The following ELAVL2 variants were observed in gnomAD, a reference collection of about 807,000 sequenced individuals.
ELAVL2 encodes ELAV-like protein 2.
Under a neutral mutation model 34.6 loss-of-function variants are expected in ELAVL2, and 4 were observed. That is an observed-to-expected ratio of 0.12 (90% confidence interval 0.06 to 0.26). The LOEUF (loss-of-function observed/expected upper bound fraction) is 0.26. Among genes scored for constraint, ELAVL2 ranks in the 10% least tolerant of loss-of-function variants. ELAVL2 has a pLI of 1.00. For missense variants in ELAVL2, 432 were observed against 442.8 expected, an observed-to-expected ratio of 0.98 and a Z score of 0.22; for synonymous variants, 193 against 154.8, an observed-to-expected ratio of 1.25 and a Z score of -1.83.
In ELAVL2 at chr9:23,701,989, G is replaced by A. The variant is rs533144592; in HGVS notation, c.488-385C>T. 2.6e-5 allele frequency among the ~76,000 whole-genome samples: 4 copies of A among 152,254 alleles called. No individual in the cohort carries two copies. The South Asian group carries it at 8.3e-4, about 32-fold the overall frequency. On this transcript the variant is annotated intron_variant, in intron 4 of 6. Coordinates refer to ENST00000397312, the MANE Select transcript of ELAVL2 (RefSeq NM_004432.5). Reference sequence around the variant, plus strand: ...TTTGTGCTATTGGATAAGCAGCTCAGAAATGAGGGACACAGTAGTTCCTGT... The same window carrying A: ...TTTGTGCTATTGGATAAGCAGCTCAAAAATGAGGGACACAGTAGTTCCTGT...
At chr9:23,715,309 C>A (rs550284647) in intron 3 of ELAVL2, among the ~76,000 whole-genome samples, 3 of 152,230 alleles carry the variant, frequency 2.0e-5, no homozygotes, top group South Asian at 4.2e-4. Context: ...CCACCACGCC[C>A]GGCTAATTTT....
the ELAVL2 span, among the ~76,000 whole-genome samples, chr9:23,836,711 G>T: frequency 3.3e-5 from 5 of 151,986 alleles, no homozygotes; most frequent in Non-Finnish European, 7.4e-5. Context: ...ATAAAAGGAG[G>T]TTGAGAGGTG....
chr9:23,722,421 C>G (rs1242782587), intron 3 of ELAVL2, among the ~76,000 whole-genome samples: 2 of 152,192 alleles, frequency 1.3e-5, no homozygotes, highest in Non-Finnish European at 2.9e-5. Context: ...CCTCCAGATC[C>G]AGTTTTCTTC....
intron 6 of ELAVL2, 26 bp downstream of exon 6, chr9:23,693,422 T>A (rs888081868): frequency 2.5e-6 from 4 of 1,613,772 alleles, no homozygotes; most frequent in Non-Finnish European, 3.4e-6. Flanking sequence ...AAAGGGATTA[T>A]GAGTATCATG....
chr9:23,698,198 A>C (rs1271257736), intron 5 of ELAVL2, among the ~76,000 whole-genome samples: 1 of 152,230 alleles, frequency 6.6e-6, no homozygotes, highest in East Asian at 1.9e-4. Context: ...AGAACATGAA[A>C]AAATTTGGCT....
intron 1 of ELAVL2, among the ~76,000 whole-genome samples, chr9:23,782,307 G>A (rs112960490): frequency 2.6e-5 from 4 of 152,134 alleles, no homozygotes; most frequent in African/African-American, 9.6e-5. Flanking sequence ...GCTTAACGCA[G>A]AGTCTTAGCA....
intron 5 of ELAVL2, among the ~76,000 whole-genome samples, chr9:23,700,598 C>G (rs2036846487): frequency 6.6e-6 from 1 of 152,086 alleles, no homozygotes; most frequent in Non-Finnish European, 1.5e-5. Context: ...GGGCTATAAG[C>G]TAAGAATGGC....
intron 1 of ELAVL2, among the ~76,000 whole-genome samples, chr9:23,813,735 G>A (rs2063335879): frequency 6.6e-6 from 1 of 152,190 alleles, no homozygotes; most frequent in Admixed American, 6.5e-5. Context: ...TAAGGAAGGA[G>A]AGACCCAAGA....
At chr9:23,715,975 G>A (rs1305594260) in intron 3 of ELAVL2, among the ~76,000 whole-genome samples, 1 of 152,150 alleles carries the variant, frequency 6.6e-6, no homozygotes, top group East Asian at 1.9e-4. Context: ...CTGACAGAGA[G>A]AAGTACATGA....
intron 3 of ELAVL2, among the ~76,000 whole-genome samples, chr9:23,707,646 T>C (rs2039758769): frequency 6.6e-6 from 1 of 152,218 alleles, no homozygotes; most frequent in Admixed American, 6.5e-5. Flanking sequence ...GGCTCAAAAC[T>C]AGGTTTAATT....
chr9:23,822,516 T>C (rs2064951903), intron 1 of ELAVL2, among the ~76,000 whole-genome samples: 1 of 152,144 alleles, frequency 6.6e-6, no homozygotes, highest in Non-Finnish European at 1.5e-5. Flanking sequence ...CATCGCTGCC[T>C]TGCCTTGGCC....
chr9:23,694,804 G>C (rs1236654458), intron 5 of ELAVL2, among the ~76,000 whole-genome samples: 1 of 152,178 alleles, frequency 6.6e-6, no homozygotes, highest in Non-Finnish European at 1.5e-5. Context: ...TATGCAAAGT[G>C]TAAGGAAACA....
At chr9:23,716,994 C>A (rs1348278427) in intron 3 of ELAVL2, among the ~76,000 whole-genome samples, 1 of 152,172 alleles carries the variant, frequency 6.6e-6, no homozygotes, top group Non-Finnish European at 1.5e-5. Flanking sequence ...TAAGTATTAT[C>A]AGACAGAAAT....
intron 3 of ELAVL2, among the ~76,000 whole-genome samples, chr9:23,710,218 T>C (rs2040554891): frequency 6.6e-6 from 1 of 152,226 alleles, no homozygotes; most frequent in Non-Finnish European, 1.5e-5. Context: ...CTAAAACTAA[T>C]GATACATTAA....
In ELAVL2 at chr9:23,766,557, T is replaced by C. The variant is rs544225162; in HGVS notation, c.-15-4308A>G. On this transcript the variant is annotated intron_variant, in intron 1 of 6. Transcript: ENST00000397312. ...AGGTGGACACTAATGAGCTAATCTATTGACACCCCTCTTTCTGAAAGCCCC... is the reference window on the plus strand; with the variant it reads ...AGGTGGACACTAATGAGCTAATCTACTGACACCCCTCTTTCTGAAAGCCCC... Among the ~76,000 whole-genome samples, 18 of 129,208 alleles carry C rather than the reference T, an allele frequency of 1.4e-4. No individual in the cohort carries two copies. In the South Asian group the frequency reaches 2.1e-3, roughly 15 times the overall value. 84.8% of individuals were successfully genotyped at this position (129,208 alleles called of 152,430 possible). A position where few individuals can be genotyped will look rare whatever the true frequency, so the allele number is the denominator to read the frequency against.
At chr9:23,821,977 A>G (rs2064857605) in intron 1 of ELAVL2, 1 of 151,234 alleles carries the variant, frequency 6.6e-6, no homozygotes, top group Non-Finnish European at 1.5e-5. Context: ...GCCGGCAGGG[A>G]GATGCCGGGC....
intron 1 of ELAVL2, among the ~76,000 whole-genome samples, chr9:23,778,591 G>A (rs1016334725): frequency 2.0e-5 from 3 of 152,120 alleles, no homozygotes; most frequent in African/African-American, 7.2e-5. Flanking sequence ...GCAAGGGCTG[G>A]ATTTTAAGTA....
the ELAVL2 span, among the ~76,000 whole-genome samples, chr9:23,836,082 T>C: frequency 6.6e-6 from 1 of 152,170 alleles, no homozygotes; most frequent in Non-Finnish European, 1.5e-5. Context: ...TAACTCTTCA[T>C]GTTGATGTGA....
rs537182055 is a variant in ELAVL2 at position 23,809,817 on chromosome 9, C to T, written c.-16+15989G>A. Among the ~76,000 whole-genome samples the T allele has an allele frequency of 7.2e-5, 11 of 152,238 alleles. No homozygotes were observed. In the South Asian group the frequency reaches 1.9e-3, roughly 26 times the overall value. On this transcript the variant is annotated intron_variant, in intron 1 of 6. Transcript: ENST00000397312. Reference sequence around the variant, plus strand: ...TCTGTAATTCTTTGTCATCCACTCCCAACCAATTTTTCTGACAGTAAAGTT... The same window carrying T: ...TCTGTAATTCTTTGTCATCCACTCCTAACCAATTTTTCTGACAGTAAAGTT...
Sources: allele counts gnomAD v4.1 joint callset (sites outside exome capture counted in the v4.1 genomes callset), GRCh38; gene constraint gnomAD v4.1.1; transcripts MANE v1.5; gene names NCBI Gene and HGNC (gene_info 2026-07-23, HGNC 2026-07-21).